Variants in RIMS1 observed in about 807,000 individuals in gnomAD.
RIMS1 encodes regulating synaptic membrane exocytosis 1, also known as regulating synaptic membrane exocytosis protein 1.
Under a neutral mutation model 214.1 loss-of-function variants are expected in RIMS1, and 83 were observed. The observed-to-expected ratio is 0.39, with a 90% CI of 0.32 to 0.47. The LOEUF (loss-of-function observed/expected upper bound fraction) is 0.47. RIMS1 is among the 20% of genes least tolerant of loss of function. RIMS1 has a pLI of 0.99. For synonymous variants in RIMS1, 793 were observed against 786.8 expected (o/e 1.01, Z -0.13); for missense variants, 2,050 against 2,161.8 (o/e 0.95, Z 1.03).
rs138871570 is a variant in RIMS1 at position 72,179,412 on chromosome 6, T to C, written c.472-163T>C. On this transcript the variant is annotated intron_variant, in intron 4 of 33. Transcript: ENST00000521978. ...AGACAAGTCCCTGTCTAGGCATTCA[T>C]ATATTTGACTGTGACTTGTGGGAGG... 1.7e-4 allele frequency: 117 copies of C among 698,836 alleles called. No homozygotes were observed. In the African/African-American group the frequency reaches 1.7e-3, roughly 10 times the overall value. 43.3% of individuals were successfully genotyped at this position (698,836 alleles called of 1,614,324 possible).
chr6:71,902,892 G>A (rs377282065), intron 1 of RIMS1, among the ~76,000 whole-genome samples: 20 of 152,076 alleles, frequency 1.3e-4, no homozygotes, highest in Admixed American at 2.0e-4. Flanking sequence ...ATTCTGTGGC[G>A]TATATGTTTC....
intron 1 of RIMS1, among the ~76,000 whole-genome samples, chr6:71,905,382 C>T (rs947227003): frequency 6.6e-6 from 1 of 152,042 alleles, no homozygotes; most frequent in Non-Finnish European, 1.5e-5. Context: ...TATCTTGAAG[C>T]AGTGATCCCT....
At chr6:71,992,185 G>C (rs969886457) in intron 2 of RIMS1, among the ~76,000 whole-genome samples, 1 of 152,120 alleles carries the variant, frequency 6.6e-6, no homozygotes, top group Non-Finnish European at 1.5e-5. Flanking sequence ...ATGCCACTGA[G>C]GTTCAGAGAC....
chr6:72,031,800 A>C lies in RIMS1; in HGVS notation c.245+62737A>C, dbSNP rs145980870. Among the ~76,000 whole-genome samples the C allele has an allele frequency of 3.9e-5, 6 of 152,264 alleles. No homozygotes were observed. The East Asian group carries it at 1.2e-3, about 29-fold the overall frequency. ...TTATTTATTTATTACTCAAATATCT[A>C]TTACTTGAACATTTATTAGATGCAT... On this transcript the variant is annotated intron_variant, in intron 2 of 33. Transcript: ENST00000521978.
intron 6 of RIMS1, chr6:72,213,083 T>A (rs759670528): frequency 6.8e-5 from 104 of 1,536,234 alleles, no homozygotes; most frequent in Non-Finnish European, 8.7e-5. Context: ...ACAGCAAGGC[T>A]TAAATCTCTC....
intron 4 of RIMS1, among the ~76,000 whole-genome samples, chr6:72,135,195 C>T (rs2041087753): frequency 6.6e-6 from 1 of 151,780 alleles, no homozygotes; most frequent in South Asian, 2.1e-4. Context: ...GACAGAAAGC[C>T]CAAAAGAGTT....
intron 29 of RIMS1, among the ~76,000 whole-genome samples, chr6:72,348,895 C>T (rs573039793): frequency 3.3e-5 from 5 of 152,066 alleles, no homozygotes; most frequent in African/African-American, 1.2e-4. Flanking sequence ...TAATTTACAA[C>T]ATCCTTTTAT....
At chr6:71,973,863 A>G (rs1796501662) in intron 2 of RIMS1, among the ~76,000 whole-genome samples, 1 of 152,200 alleles carries the variant, frequency 6.6e-6, no homozygotes, top group Non-Finnish European at 1.5e-5. Flanking sequence ...TGAGGGACTC[A>G]TAGGCCAGAG....
chr6:72,339,574 G>A (rs1411390208), intron 29 of RIMS1, among the ~76,000 whole-genome samples: 6 of 151,940 alleles, frequency 3.9e-5, no homozygotes, highest in Admixed American at 3.9e-4. Flanking sequence ...TGAGAATGAT[G>A]CTTTCCAGCT....
intron 2 of RIMS1, among the ~76,000 whole-genome samples, chr6:72,081,802 C>T (rs1249817128): frequency 6.6e-6 from 1 of 152,038 alleles, no homozygotes; most frequent in East Asian, 1.9e-4. Flanking sequence ...TATGATCTCT[C>T]TTTCGTGGAT....
At chr6:72,006,884 C>T (rs1807905397) in intron 2 of RIMS1, among the ~76,000 whole-genome samples, 1 of 152,246 alleles carries the variant, frequency 6.6e-6, no homozygotes. Flanking sequence ...CCTTTGTAGA[C>T]TCCACCTCTG....
intron 26 of RIMS1, among the ~76,000 whole-genome samples, chr6:72,294,819 T>G (rs2093887056): frequency 6.6e-6 from 1 of 151,776 alleles, no homozygotes; most frequent in Admixed American, 6.6e-5. Flanking sequence ...TAGAGCCAGA[T>G]TATGTTGAAG....
At chr6:72,015,850 C>T (rs1051241577) in intron 2 of RIMS1, among the ~76,000 whole-genome samples, 9 of 152,090 alleles carry the variant, frequency 5.9e-5, no homozygotes, top group South Asian at 2.1e-4. Context: ...GGCATGAACC[C>T]GGGAGGCAGA....
At chr6:71,948,440 G>A (rs1348925133) in intron 1 of RIMS1, among the ~76,000 whole-genome samples, 1 of 152,122 alleles carries the variant, frequency 6.6e-6, no homozygotes, top group East Asian at 1.9e-4. Flanking sequence ...TCTCCCTTTT[G>A]CCCTGGCAAT....
At chr6:72,100,062 G>A in intron 4 of RIMS1, 76 bp downstream of exon 4, 2 of 1,131,938 alleles carry the variant, frequency 1.8e-6, no homozygotes, top group Non-Finnish European at 2.7e-6. Context: ...GTTGCACCTA[G>A]TATTGTTAAT....
intron 1 of RIMS1, among the ~76,000 whole-genome samples, chr6:71,958,562 G>A (rs769438189): frequency 9.2e-5 from 14 of 152,044 alleles, no homozygotes; most frequent in African/African-American, 1.4e-4. Flanking sequence ...AGTAGGATAC[G>A]GAATGGAGAT....
chr6:72,294,754 A>T (rs966788184), intron 26 of RIMS1, among the ~76,000 whole-genome samples: 1 of 151,736 alleles, frequency 6.6e-6, no homozygotes, highest in Non-Finnish European at 1.5e-5. Flanking sequence ...TCAATTTTTG[A>T]AAAGGTGTTT....
chr6:72,185,216 G>A (rs1335746093), intron 6 of RIMS1, among the ~76,000 whole-genome samples: 1 of 152,118 alleles, frequency 6.6e-6, no homozygotes, highest in Non-Finnish European at 1.5e-5. Flanking sequence ...GGACAAGATT[G>A]TAACACTGTG....
chr6:72,028,365 T>C (rs1817134785), intron 2 of RIMS1, among the ~76,000 whole-genome samples: 1 of 152,178 alleles, frequency 6.6e-6, no homozygotes, highest in African/African-American at 2.4e-5. Context: ...ATAACTTAAC[T>C]ATGTAGATAT....
Sources: allele counts gnomAD v4.1 joint callset (sites outside exome capture counted in the v4.1 genomes callset), GRCh38; gene constraint gnomAD v4.1.1; transcripts MANE v1.5; gene names NCBI Gene and HGNC (gene_info 2026-07-23, HGNC 2026-07-21).